ARFGAP1: variants seen among roughly 807,000 people sequenced by gnomAD.
ARFGAP1 encodes ARF GTPase activating protein 1.
A neutral mutation model predicts 54.0 loss-of-function variants in ARFGAP1; 26 were observed. That is an observed-to-expected ratio of 0.48 (90% CI 0.35 to 0.67). The LOEUF is 0.67. Ranked by LOEUF, ARFGAP1 falls within the 30% of genes least tolerant of loss-of-function variation. The probability of loss-of-function intolerance (pLI) is 0.00; values close to 1 mark genes in which losing one functional copy is unlikely to be tolerated. For synonymous variants in ARFGAP1, 248 were observed against 211.9 expected (o/e 1.17, Z -1.48); for missense variants, 525 against 535.8 (o/e 0.98, Z 0.20).
In ARFGAP1 at chr20:63,281,288, C is replaced by T. The variant is rs757619038; in HGVS notation, c.628-3C>T. 28 of 1,600,172 alleles carry T rather than the reference C, an allele frequency of 1.7e-5. No homozygotes were observed. The highest frequency in any genetic ancestry group is 1.9e-5 in the Non-Finnish European group (22 of 1,176,190). Reference sequence around the variant, plus strand: ...TGTGGCTGCTCTTTGTCGCCTCCCTCAGGGCTGGAGCAGCTTCACCACTGG... The same window carrying T: ...TGTGGCTGCTCTTTGTCGCCTCCCTTAGGGCTGGAGCAGCTTCACCACTGG... On this transcript the variant is annotated splice_region_variant and splice_polypyrimidine_tract_variant and intron_variant, in intron 7 of 12. Coordinates refer to ENST00000370283, the MANE Select transcript of ARFGAP1 (RefSeq NM_018209.4).
intron 7 of ARFGAP1, among the ~76,000 whole-genome samples, chr20:63,279,458 G>A (rs1339615771): frequency 3.9e-5 from 6 of 152,196 alleles, no homozygotes; most frequent in East Asian, 3.9e-4. Flanking sequence ...TGTCCGCCTC[G>A]GCCTCCCAAA....
rs202202990 is a variant in ARFGAP1 at position 63,285,615 on chromosome 20, C to T, written c.775-39C>T. On this transcript the variant is annotated intron_variant, in intron 10 of 12. Transcript: ENST00000370283. ...CTCCTGAAGCTTTAAGCTTTCATCT[C>T]TCCCGCCCCCATTAATGCCGCTGTC... 2.5e-6 allele frequency: 4 copies of T among 1,603,520 alleles called. No homozygotes were observed. The East Asian group carries it at 6.7e-5, about 27-fold the overall frequency.
At chr20:63,278,543 C>G in intron 6 of ARFGAP1, 1 of 452,036 alleles carries the variant, frequency 2.2e-6, no homozygotes, top group Non-Finnish European at 4.0e-6. Context: ...TGTAGAGAAG[C>G]GCTAACACTT....
chr20:63,284,474 A>C (rs2067470998), intron 9 of ARFGAP1: 4 of 1,092,914 alleles, frequency 3.7e-6, no homozygotes, highest in South Asian at 5.6e-5. Flanking sequence ...TCCAGGGGGG[A>C]CTCGGTGCCT....
In ARFGAP1 at chr20:63,287,899, G is replaced by A. The variant is rs1041677684; in HGVS notation, c.*26G>A. On this transcript the variant is annotated 3_prime_UTR_variant, in exon 13 of 13. Coordinates refer to ENST00000370283, the MANE Select transcript of ARFGAP1 (RefSeq NM_018209.4). The stretch of plus-strand genomic sequence containing the variant: ...GGCCCACTGCGCCCCCGTCCCCAGC[G>A]CCCCCGGGCGACTTCGTGTTTGCAC... 25 of 1,476,998 alleles carry A rather than the reference G, an allele frequency of 1.7e-5. No individual in the cohort carries two copies. In the East Asian group the frequency reaches 1.7e-4, roughly 10 times the overall value. 91.5% of individuals were successfully genotyped at this position (1,476,998 alleles called of 1,614,324 possible).
In ARFGAP1 at chr20:63,289,534, AG is replaced by A; in HGVS notation, c.*1666del. On this transcript the variant is annotated 3_prime_UTR_variant, in exon 13 of 13. Coordinates refer to ENST00000370283, the MANE Select transcript of ARFGAP1 (RefSeq NM_018209.4). Reference sequence around the variant, plus strand: ...CCAGGAGGGTGCCTTCCTCGGGGGTAGGGGGACGGCCCACTCTGCCCCAGGG... The same window carrying A: ...CCAGGAGGGTGCCTTCCTCGGGGGTAGGGGACGGCCCACTCTGCCCCAGGG... The A allele has an allele frequency of 6.6e-6, 1 of 152,304 alleles. No individual in the cohort carries two copies. Among genetic ancestry groups the A allele is most frequent in the Non-Finnish European group, 1.5e-5 (1 of 68,060 alleles). The allele number at this position is 152,304 out of a possible 1,614,324, so 9.4% of individuals were successfully genotyped here.
chr20:63,278,129 G>C lies in ARFGAP1; in HGVS notation c.456G>C (p.Gln152His). 1 of 1,613,702 alleles carries C rather than the reference G, an allele frequency of 6.2e-7. No individual in the cohort carries two copies. Among genetic ancestry groups the C allele is most frequent in the South Asian group, 1.1e-5 (1 of 91,088 alleles). Reference sequence around the variant, plus strand: ...TTCTCGGTTTCAGAGTCTCTGGCCAGCCGCAGAGTGTGACCGCCTCCTCGG... The same window carrying C: ...TTCTCGGTTTCAGAGTCTCTGGCCACCCGCAGAGTGTGACCGCCTCCTCGG... The part of the protein sequence containing the change: ...LPSMVHRVSG[Q>H]PQSVTASSDK... The change falls in exon 6 of 13, where the codon CAG (glutamine) becomes CAC (histidine). Residue 152 changes from glutamine to histidine, a missense_variant. Coordinates refer to ENST00000370283, the MANE Select transcript of ARFGAP1 (RefSeq NM_018209.4).
In ARFGAP1 at chr20:63,288,087, G is replaced by T. The variant is rs778459727; in HGVS notation, c.*214G>T. 5 of 629,720 alleles carry T rather than the reference G, an allele frequency of 7.9e-6. No homozygotes were observed. The highest frequency in any genetic ancestry group is 1.4e-5 in the Non-Finnish European group (5 of 363,382). 39.0% of individuals were successfully genotyped at this position (629,720 alleles called of 1,614,324 possible). ...GGGCGGCTTGCTGTCCAGCCTGTGT[G>T]GGGGCCGTCCCGTCCCACACTCCCC... is the stretch of plus-strand genomic sequence containing the variant. On this transcript the variant is annotated 3_prime_UTR_variant, in exon 13 of 13. Coordinates refer to ENST00000370283, the MANE Select transcript of ARFGAP1 (RefSeq NM_018209.4).
intron 9 of ARFGAP1, chr20:63,284,300 G>C: frequency 9.3e-7 from 1 of 1,081,028 alleles, no homozygotes; most frequent in Non-Finnish European, 1.1e-6. Flanking sequence ...TTCCCTTTCC[G>C]GCCTTTGATC....
chr20:63,272,984 G>A (rs866296833), intron 1 of ARFGAP1, 64 bp downstream of exon 1: 3 of 142,254 alleles, frequency 2.1e-5, no homozygotes, highest in African/African-American at 7.8e-5. Context: ...CGTCGTCCCC[G>A]GCCTTCGCGG....
At chr20:63,285,045 C>A in intron 10 of ARFGAP1, 123 bp downstream of exon 10, 2 of 1,158,364 alleles carry the variant, frequency 1.7e-6, no homozygotes, top group Non-Finnish European at 2.5e-6. Context: ...AGCCTCACAC[C>A]CCACCTCTCC....
chr20:63,288,698 G>A lies in ARFGAP1; in HGVS notation c.*825G>A, dbSNP rs2067633659. 8.3e-6 allele frequency: 3 copies of A among 359,518 alleles called. No individual in the cohort carries two copies. The highest frequency in any genetic ancestry group is 7.4e-5 in the East Asian group (1 of 13,526). 22.3% of individuals were successfully genotyped at this position (359,518 alleles called of 1,614,324 possible). On this transcript the variant is annotated 3_prime_UTR_variant, in exon 13 of 13. Coordinates refer to ENST00000370283, the MANE Select transcript of ARFGAP1 (RefSeq NM_018209.4). ...TTCAGGAGCTGAGCAGGGGATGCCTGTGCGTGGTGCCTGGGTCTAGGGAAG... is the reference window on the plus strand; with the variant it reads ...TTCAGGAGCTGAGCAGGGGATGCCTATGCGTGGTGCCTGGGTCTAGGGAAG...
chr20:63,284,079 C>T, intron 9 of ARFGAP1: 1 of 1,396,694 alleles, frequency 7.2e-7, no homozygotes, highest in Admixed American at 3.1e-5. Context: ...GTGCCTGTCA[C>T]CCCTGCGCAG....
At chr20:63,284,126 C>A in intron 9 of ARFGAP1, 2 of 1,347,188 alleles carry the variant, frequency 1.5e-6, no homozygotes, top group South Asian at 1.9e-5. Flanking sequence ...AAATGAGACC[C>A]CCATCTCCAA....
At chr20:63,275,208 C>T (rs2067202925) in intron 1 of ARFGAP1, among the ~76,000 whole-genome samples, 1 of 152,188 alleles carries the variant, frequency 6.6e-6, no homozygotes, top group South Asian at 2.1e-4. Flanking sequence ...ATTTTGCAGC[C>T]AATCTGTGTG....
intron 9 of ARFGAP1, chr20:63,284,442 C>T: frequency 1.8e-6 from 2 of 1,091,164 alleles, no homozygotes; most frequent in Non-Finnish European, 1.1e-6. Context: ...TCCTATGGCC[C>T]CAGCCTCCGT....
At chr20:63,284,055 A>G in intron 9 of ARFGAP1, 1 of 1,430,622 alleles carries the variant, frequency 7.0e-7, no homozygotes, top group Non-Finnish European at 9.2e-7. Flanking sequence ...GATCTGCATC[A>G]GGCTTGGCTG....
chr20:63,286,830 T>C, intron 12 of ARFGAP1: 1 of 225,626 alleles, frequency 4.4e-6, no homozygotes, highest in Non-Finnish European at 8.9e-6. Context: ...TTCCTCTGTC[T>C]CCCAGACTCT....
Position 63,288,258 on chromosome 20 carries a change from C to T in ARFGAP1, c.*385C>T, listed in dbSNP as rs866231906. ...GACCAGCCACGTGCCGAGCTGTCAGCGACGTGAGGTGTCCCTTCTCGTTGA... is the reference window on the plus strand; with the variant it reads ...GACCAGCCACGTGCCGAGCTGTCAGTGACGTGAGGTGTCCCTTCTCGTTGA... On this transcript the variant is annotated 3_prime_UTR_variant, in exon 13 of 13. Coordinates refer to ENST00000370283, the MANE Select transcript of ARFGAP1 (RefSeq NM_018209.4). 3.4e-5 allele frequency: 18 copies of T among 524,682 alleles called. No homozygotes were observed. The Middle Eastern group carries it at 1.4e-3, about 42-fold the overall frequency. The allele number at this position is 524,682 out of a possible 1,614,324, so 32.5% of individuals were successfully genotyped here.
Sources: allele counts gnomAD v4.1 joint callset (sites outside exome capture counted in the v4.1 genomes callset), GRCh38; gene constraint gnomAD v4.1.1; transcripts MANE v1.5; gene names NCBI Gene and HGNC (gene_info 2026-07-23, HGNC 2026-07-21).